AGPAT4: variants seen among roughly 807,000 people sequenced by gnomAD.
AGPAT4 encodes the protein 1-acylglycerol-3-phosphate O-acyltransferase 4.
A neutral mutation model predicts 48.0 loss-of-function variants in AGPAT4; 15 were observed. That is an observed-to-expected ratio of 0.31 (90% confidence interval 0.21 to 0.48). The LOEUF is 0.48. AGPAT4 is among the 20% of genes least tolerant of loss of function. The pLI is 0.99. For missense variants in AGPAT4, 314 were observed against 482.5 expected (o/e 0.65, Z 3.27); for synonymous variants, 178 against 198.7 (o/e 0.90, Z 0.88).
rs569896342 is a variant in AGPAT4 at position 161,138,231 on chromosome 6, GTGT to G, written c.1042+1188_1042+1190del. ...TATTTTTTTCCCTTACACGGTGTGG[GTGT>G]TGTTTTAATATTTTAATTTTTAACA... On this transcript the variant is annotated intron_variant, in intron 8 of 8. Transcript: ENST00000320285. The surrounding 1 kb of genome is among the most constrained non-coding windows in gnomAD (Gnocchi z 4.8). 3.3e-3 allele frequency among the ~76,000 whole-genome samples: 510 copies of G among 152,312 alleles called. 1 individual carries two copies. The highest frequency in any genetic ancestry group is 0.017 in the Middle Eastern group (5 of 294).
intron 2 of AGPAT4, among the ~76,000 whole-genome samples, chr6:161,181,693 C>T (rs1021953900): frequency 1.3e-5 from 2 of 152,162 alleles, no homozygotes; most frequent in African/African-American, 4.8e-5. Flanking sequence ...TTCTGTGACA[C>T]CAAACTGGGA....
chr6:161,227,343 G>A (rs1303521191), intron 2 of AGPAT4, among the ~76,000 whole-genome samples: 1 of 152,192 alleles, frequency 6.6e-6, no homozygotes, highest in African/African-American at 2.4e-5. Flanking sequence ...TCAAAATTGA[G>A]GCACCCTTAC....
At position 161,169,947 on chromosome 6, in the gene AGPAT4, C is replaced by T. The variant is rs1780215350; in HGVS notation, c.179-3530G>A. Among the ~76,000 whole-genome samples the T allele has an allele frequency of 6.6e-6, 1 of 152,152 alleles. No homozygotes were observed. The highest frequency in any genetic ancestry group is 6.5e-5 in the Admixed American group (1 of 15,278). On this transcript the variant is annotated intron_variant, in intron 2 of 8. Coordinates refer to ENST00000320285, the MANE Select transcript of AGPAT4 (RefSeq NM_020133.3). This position sits in a 1 kb window ranked among gnomAD's most constrained non-coding sequence, Gnocchi z 5.0. ...GATTCACGTCTTCAGCACAAAGCAG[C>T]GGCTAGGCCTGCTACTGCTCCTCCT... is the stretch of plus-strand genomic sequence containing the variant.
In AGPAT4 at chr6:161,195,863, G is replaced by A. The variant is rs1781053018; in HGVS notation, c.179-29446C>T. The stretch of plus-strand genomic sequence containing the variant: ...CCAGCAGGCAGGCTGATTGTCTAGC[G>A]TTGGCATTAGGGCAAGTCTTGAATG... On this transcript the variant is annotated intron_variant, in intron 2 of 8. Coordinates refer to ENST00000320285, the MANE Select transcript of AGPAT4 (RefSeq NM_020133.3). This position sits in a 1 kb window ranked among gnomAD's most constrained non-coding sequence, Gnocchi z 5.0. Among the ~76,000 whole-genome samples the A allele has an allele frequency of 6.6e-6, 1 of 152,188 alleles. No individual in the cohort carries two copies. Among genetic ancestry groups the A allele is most frequent in the African/African-American group, 2.4e-5 (1 of 41,450 alleles).
rs1781541927 is a variant in AGPAT4 at position 161,212,283 on chromosome 6, A to G, written c.178+19753T>C. 6.6e-6 allele frequency among the ~76,000 whole-genome samples: 1 copy of G among 152,170 alleles called. No individual in the cohort carries two copies. The highest frequency in any genetic ancestry group is 2.1e-4 in the South Asian group (1 of 4,824). On this transcript the variant is annotated intron_variant, in intron 2 of 8. Transcript: ENST00000320285. The surrounding 1 kb of genome is among the most constrained non-coding windows in gnomAD (Gnocchi z 6.1). The stretch of plus-strand genomic sequence containing the variant: ...TTGGAACATTAAGTCTCCTCTCTCA[A>G]AGAATGAAGATGTTTGCCTTTTTTG...
At chr6:161,237,468 G>C (rs1782319652) in intron 1 of AGPAT4, among the ~76,000 whole-genome samples, 1 of 152,212 alleles carries the variant, frequency 6.6e-6, no homozygotes, top group African/African-American at 2.4e-5. Context: ...TTCGTATAAG[G>C]ATGGGAGAGA....
rs1006479874 is a variant in AGPAT4, at chr6:161,246,655, G to A, written c.-89-14353C>T. ...AACTCCCAATCTCAGGTGATCCACC[G>A]CACCCAGCCTAGCACAGGGGATTCT... On this transcript the variant is annotated intron_variant, in intron 1 of 8. Coordinates refer to ENST00000320285, the MANE Select transcript of AGPAT4 (RefSeq NM_020133.3). This position sits in a 1 kb window ranked among gnomAD's most constrained non-coding sequence, Gnocchi z 5.5. 5.3e-5 allele frequency among the ~76,000 whole-genome samples: 8 copies of A among 151,836 alleles called. No individual in the cohort carries two copies. The East Asian group carries it at 5.8e-4, about 11-fold the overall frequency.
rs1780335896 is a variant in AGPAT4, at chr6:161,173,376, G to C, written c.179-6959C>G. On this transcript the variant is annotated intron_variant, in intron 2 of 8. Transcript: ENST00000320285. ...TGGCATATCATTGTGGTTTTGATTT[G>C]CATTTCTCTGATGGCCAGTGATGAT... Among the ~76,000 whole-genome samples, 3 of 152,140 alleles carry C rather than the reference G, an allele frequency of 2.0e-5. No individual in the cohort carries two copies. In the South Asian group the frequency reaches 6.2e-4, roughly 32 times the overall value.
rs1319755839 is a variant in AGPAT4 at position 161,204,956 on chromosome 6, C to T, written c.178+27080G>A. Reference sequence around the variant, plus strand: ...TTTACAATAAACCGGGTATGAACAACGACATGACGCTGTTGATGAAAAGAC... The same window carrying T: ...TTTACAATAAACCGGGTATGAACAATGACATGACGCTGTTGATGAAAAGAC... On this transcript the variant is annotated intron_variant, in intron 2 of 8. Coordinates refer to ENST00000320285, the MANE Select transcript of AGPAT4 (RefSeq NM_020133.3). The surrounding 1 kb of genome is among the most constrained non-coding windows in gnomAD (Gnocchi z 4.4). Among the ~76,000 whole-genome samples, 3 of 152,076 alleles carry T rather than the reference C, an allele frequency of 2.0e-5. No individual in the cohort carries two copies. The highest frequency in any genetic ancestry group is 4.4e-5 in the Non-Finnish European group (3 of 68,028).
rs905208396 is a variant in AGPAT4 at position 161,135,964 on chromosome 6, C to G, written c.*576G>C. ...GTGCTGGCCTGCCCACCCCTCTCAG[C>G]TGCCCACACCTCCGCGGCAGCTGCC... is the stretch of plus-strand genomic sequence containing the variant. On this transcript the variant is annotated 3_prime_UTR_variant, in exon 9 of 9. Transcript: ENST00000320285. 4 of 154,582 alleles carry G rather than the reference C, an allele frequency of 2.6e-5. No individual in the cohort carries two copies. Among genetic ancestry groups the G allele is most frequent in the Non-Finnish European group, 5.7e-5 (4 of 69,758 alleles). 9.6% of individuals were successfully genotyped at this position (154,582 alleles called of 1,614,324 possible).
intron 3 of AGPAT4, among the ~76,000 whole-genome samples, chr6:161,163,401 T>G (rs1448446035): frequency 6.6e-6 from 1 of 152,192 alleles, no homozygotes; most frequent in Non-Finnish European, 1.5e-5. Flanking sequence ...TGAGGTTGTT[T>G]TTTTTTTCTG....
rs995564658 is a variant in AGPAT4, at chr6:161,155,436, C to T, written c.349-1126G>A. Reference sequence around the variant, plus strand: ...TCCGGCTTCAACACAGCCCTCTCTCCTCTCCTCCCCGTTACACCCATGCCT... The same window carrying T: ...TCCGGCTTCAACACAGCCCTCTCTCTTCTCCTCCCCGTTACACCCATGCCT... On this transcript the variant is annotated intron_variant, in intron 3 of 8. Coordinates refer to ENST00000320285, the MANE Select transcript of AGPAT4 (RefSeq NM_020133.3). The surrounding 1 kb of genome is among the most constrained non-coding windows in gnomAD (Gnocchi z 5.8). Among the ~76,000 whole-genome samples the T allele has an allele frequency of 4.3e-4, 66 of 152,274 alleles. No individual in the cohort carries two copies. Among genetic ancestry groups the T allele is most frequent in the Middle Eastern group, 3.4e-3 (1 of 294 alleles).
chr6:161,193,923 T>G (rs572645662), intron 2 of AGPAT4, among the ~76,000 whole-genome samples: 1 of 152,364 alleles, frequency 6.6e-6, no homozygotes, highest in South Asian at 2.1e-4. Flanking sequence ...AGCTGCCATA[T>G]CATTGAAAAT....
At position 161,169,778 on chromosome 6, in the gene AGPAT4, G is replaced by A. The variant is rs1485167803; in HGVS notation, c.179-3361C>T. ...TCTAACTAGCTTCAGGATGTGTTAC[G>A]CTGGCCTGGACTACATTTCCCAAAC... On this transcript the variant is annotated intron_variant, in intron 2 of 8. Transcript: ENST00000320285. This position sits in a 1 kb window ranked among gnomAD's most constrained non-coding sequence, Gnocchi z 5.0. 2.6e-5 allele frequency among the ~76,000 whole-genome samples: 4 copies of A among 152,136 alleles called. No individual in the cohort carries two copies. Among genetic ancestry groups the A allele is most frequent in the South Asian group, 4.1e-4 (2 of 4,820 alleles).
chr6:161,144,682 A>G lies in AGPAT4; in HGVS notation c.843+1842T>C, dbSNP rs574873974. Among the ~76,000 whole-genome samples, 18 of 152,182 alleles carry G rather than the reference A, an allele frequency of 1.2e-4. No individual in the cohort carries two copies. The highest frequency in any genetic ancestry group is 2.5e-4 in the Non-Finnish European group (17 of 68,034). Reference sequence around the variant, plus strand: ...TTCTTAGCATACTCTGCTTTCGGCTAAAAGTAACATTTTCGGCTGGGCACG... The same window carrying G: ...TTCTTAGCATACTCTGCTTTCGGCTGAAAGTAACATTTTCGGCTGGGCACG... On this transcript the variant is annotated intron_variant, in intron 7 of 8. Coordinates refer to ENST00000320285, the MANE Select transcript of AGPAT4 (RefSeq NM_020133.3). The surrounding 1 kb of genome is among the most constrained non-coding windows in gnomAD (Gnocchi z 6.6).
intron 5 of AGPAT4, among the ~76,000 whole-genome samples, chr6:161,150,114 T>C (rs1779547013): frequency 1.3e-5 from 2 of 152,186 alleles, no homozygotes; most frequent in Admixed American, 6.5e-5. Flanking sequence ...CCTTAAGGAA[T>C]TGGATTGTAG....
chr6:161,210,971 T>C (rs1308830932), intron 2 of AGPAT4, among the ~76,000 whole-genome samples: 5 of 152,238 alleles, frequency 3.3e-5, no homozygotes, highest in African/African-American at 9.6e-5. Flanking sequence ...TTATCATCTT[T>C]GTTTCAAAAC....
chr6:161,217,160 G>A lies in AGPAT4; in HGVS notation c.178+14876C>T, dbSNP rs1781668862. Among the ~76,000 whole-genome samples, 5 of 152,226 alleles carry A rather than the reference G, an allele frequency of 3.3e-5. No individual in the cohort carries two copies. The highest frequency in any genetic ancestry group is 3.3e-4 in the Admixed American group (5 of 15,282). On this transcript the variant is annotated intron_variant, in intron 2 of 8. Coordinates refer to ENST00000320285, the MANE Select transcript of AGPAT4 (RefSeq NM_020133.3). This position sits in a 1 kb window ranked among gnomAD's most constrained non-coding sequence, Gnocchi z 4.9. ...GAAGGCAAGCCAGGGGAGGGGCGGA[G>A]TGAGCACAGGCGTGGGGACGCGAAA... is the stretch of plus-strand genomic sequence containing the variant.
chr6:161,241,698 T>C (rs1237289128), intron 1 of AGPAT4, among the ~76,000 whole-genome samples: 1 of 152,222 alleles, frequency 6.6e-6, no homozygotes, highest in Non-Finnish European at 1.5e-5. Flanking sequence ...TCTAAGGCTT[T>C]CCGTAGCTTT....
Sources: gnomAD v4.1 joint callset for allele counts (sites outside exome capture counted in the v4.1 genomes callset) on GRCh38, gnomAD v4.1.1 for gene constraint, Gnocchi (gnomAD v3.1) non-coding constraint, MANE v1.5 for transcripts, NCBI Gene and HGNC (gene_info 2026-07-23, HGNC 2026-07-21) for gene names.